The following TMPRSS6 variants were observed in gnomAD, a reference collection of about 807,000 sequenced individuals.
The protein encoded by TMPRSS6 is transmembrane serine protease 6, also known as transmembrane protease serine 6.
In TMPRSS6, 67 loss-of-function variants were observed where a neutral mutation model predicts 101.5. That is an observed-to-expected ratio of 0.66 (90% CI 0.54 to 0.81). The LOEUF (loss-of-function observed/expected upper bound fraction) is 0.81. TMPRSS6 is among the 30% of genes least tolerant of loss of function. The pLI is 0.00. For synonymous variants in TMPRSS6, 453 were observed against 464.9 expected (o/e 0.97, Z 0.33); for missense variants, 1,034 against 1,088.7 (o/e 0.95, Z 0.71).
intron 7 of TMPRSS6, among the ~76,000 whole-genome samples, chr22:37,086,744 C>A (rs951195945): frequency 6.6e-6 from 1 of 152,108 alleles, no homozygotes; most frequent in South Asian, 2.1e-4. Flanking sequence ...CTCCACCCTG[C>A]TACAGAATCA....
intron 6 of TMPRSS6, among the ~76,000 whole-genome samples, chr22:37,093,820 C>T (rs766098959): frequency 2.4e-4 from 37 of 151,582 alleles, no homozygotes; most frequent in Non-Finnish European, 4.4e-4. Context: ...GTCAGGAGCT[C>T]GAGACCAGCC....
At position 37,074,634 on chromosome 22, in the gene TMPRSS6, TG is replaced by T. The variant is rs773570300; in HGVS notation, c.1416del (p.Asn473ThrfsTer63). The T allele has an allele frequency of 1.2e-6, 2 of 1,614,176 alleles. No individual in the cohort carries two copies. Among genetic ancestry groups the T allele is most frequent in the Non-Finnish European group, 1.7e-6 (2 of 1,180,026 alleles). On this transcript the variant is annotated frameshift_variant, in exon 12 of 18. Transcript: ENST00000676104. LOFTEE classifies it high-confidence loss of function. The part of the protein sequence containing the change: ...VPACDGVKDC[P>X]NGLDERNCVC... ...CCGCAGTTTCTCTCATCCAGGCCGT[TG>T]GGGCAGTCCTTGACCCCATCACAGG...
At chr22:37,078,782 GAGA>G (rs145574544) in intron 10 of TMPRSS6, among the ~76,000 whole-genome samples, 2,822 of 147,584 alleles carry the variant, frequency 0.019, 105 homozygotes, top group African/African-American at 0.067. Flanking sequence ...GAAGGAGGAG[GAGA>G]AGAAGAAGGA....
intron 7 of TMPRSS6, among the ~76,000 whole-genome samples, chr22:37,089,082 AAT>A (rs1306788077): frequency 1.3e-5 from 2 of 152,182 alleles, no homozygotes; most frequent in African/African-American, 2.4e-5. Context: ...GTTCACTCAA[AAT>A]AGATACTGCA....
At chr22:37,084,946 C>T in intron 8 of TMPRSS6, 107 bp from the exon 9 acceptor site, 1 of 824,624 alleles carries the variant, frequency 1.2e-6, no homozygotes, top group Non-Finnish European at 2.0e-6. Context: ...CAGCAAATTG[C>T]TGTGGTTGAA....
Position 37,073,006 on chromosome 22 carries a change from GATGA to G in TMPRSS6, c.1555+522_1555+525del, listed in dbSNP as rs770553884. On this transcript the variant is annotated intron_variant, in intron 13 of 17. Transcript: ENST00000676104. ...TGGATGGATAGATGGATGATGGATGGATGATGGATGGATGGATGGATGATGGACG... is the reference window on the plus strand; with the variant it reads ...TGGATGGATAGATGGATGATGGATGGTGGATGGATGGATGGATGATGGACG... 1.3e-3 allele frequency among the ~76,000 whole-genome samples: 197 copies of G among 150,284 alleles called. 1 individual carries two copies. The highest frequency in any genetic ancestry group is 4.0e-3 in the African/African-American group (161 of 40,692).
At chr22:37,094,450 T>A (rs1282251890) in intron 6 of TMPRSS6, among the ~76,000 whole-genome samples, 1 of 151,694 alleles carries the variant, frequency 6.6e-6, no homozygotes, top group Non-Finnish European at 1.5e-5. Context: ...GCTAGCTAGC[T>A]AGACAGACAG....
chr22:37,108,442 T>C (rs1336005333), intron 1 of TMPRSS6, among the ~76,000 whole-genome samples: 1 of 152,154 alleles, frequency 6.6e-6, no homozygotes, highest in Non-Finnish European at 1.5e-5. Flanking sequence ...GGGACTGTGC[T>C]CCAATTGCCA....
rs982391688 is a variant in TMPRSS6, at chr22:37,065,933, C to T, written c.*147G>A. On this transcript the variant is annotated 3_prime_UTR_variant, in exon 18 of 18. Coordinates refer to ENST00000676104, the MANE Select transcript of TMPRSS6 (RefSeq NM_001374504.1). ...CTCCTGCCATCACTGGAGCAGACAT[C>T]AGGGACGAGACAAGATGCCACCTCC... 1.7e-5 allele frequency: 18 copies of T among 1,034,786 alleles called. No homozygotes were observed. Among genetic ancestry groups the T allele is most frequent in the East Asian group, 5.1e-5 (2 of 39,338 alleles). The allele number at this position is 1,034,786 out of a possible 1,614,324, so 64.1% of individuals were successfully genotyped here.
chr22:37,086,905 C>T (rs943307097), intron 7 of TMPRSS6, among the ~76,000 whole-genome samples: 1 of 152,154 alleles, frequency 6.6e-6, no homozygotes, highest in South Asian at 2.1e-4. Flanking sequence ...AGAAATCTGC[C>T]CAGAGCTTGG....
At chr22:37,081,269 T>C (rs1289971538) in intron 10 of TMPRSS6, among the ~76,000 whole-genome samples, 1 of 152,244 alleles carries the variant, frequency 6.6e-6, no homozygotes, top group Non-Finnish European at 1.5e-5. Context: ...TTGTCTCACT[T>C]AGTCTTCCCA....
chr22:37,091,550 C>T (rs752084249), intron 6 of TMPRSS6, among the ~76,000 whole-genome samples: 1 of 152,162 alleles, frequency 6.6e-6, no homozygotes, highest in Non-Finnish European at 1.5e-5. Flanking sequence ...GGCTCATGGG[C>T]CATACAAAAT....
rs139489941 is a variant in TMPRSS6, at chr22:37,095,965, G to T, written c.530C>A (p.Ser177Ter). 1 of 1,614,142 alleles carries T rather than the reference G, an allele frequency of 6.2e-7. No individual in the cohort carries two copies. The highest frequency in any genetic ancestry group is 1.7e-5 in the Admixed American group (1 of 60,028). The change falls in exon 5 of 18, where the codon TCG (serine) becomes TAG (stop). Residue 177 changes from serine to a stop codon, truncating the protein, a stop_gained. Transcript: ENST00000676104. LOFTEE classifies it high-confidence loss of function. ...CTCGGCCCTGTAGGGGACGGCAGCC[G>T]AGCTGTTGACTGTGGACAGCAGCTC... ...VEELLSTVNS[S>*]AAVPYRAEYE...
At chr22:37,070,746 A>C in intron 14 of TMPRSS6, 94 bp from the exon 15 acceptor site, 2 of 1,423,326 alleles carry the variant, frequency 1.4e-6, no homozygotes, top group Non-Finnish European at 2.0e-6. Flanking sequence ...ATGGAGAGAC[A>C]GAGAACAGGA....
At chr22:37,105,953 T>C (rs1441292519) in intron 1 of TMPRSS6, among the ~76,000 whole-genome samples, 2 of 152,160 alleles carry the variant, frequency 1.3e-5, no homozygotes, top group East Asian at 3.8e-4. Flanking sequence ...CCTGGCCCTG[T>C]TTTACTCTTG....
In TMPRSS6 at chr22:37,095,564, C is replaced by A; in HGVS notation, c.618G>T (p.Leu206Phe). The A allele has an allele frequency of 6.2e-7, 1 of 1,608,244 alleles. No individual in the cohort carries two copies. Among genetic ancestry groups the A allele is most frequent in the Non-Finnish European group, 8.5e-7 (1 of 1,178,870 alleles). The change falls in exon 6 of 18, where the codon TTG becomes TTT. Residue 206 changes from leucine to phenylalanine, a missense_variant. By Grantham distance (22) the Leu-to-Phe change is conservative. Coordinates refer to ENST00000676104, the MANE Select transcript of TMPRSS6 (RefSeq NM_001374504.1). The part of the protein sequence containing the change: ...LEASVKDIAA[L>F]NSTLGCYRYS... ...AAAATAGCGTACCCAGCGTGGAATT[C>A]AATGCAGCTATGTCTTTCACACTGG...
At chr22:37,096,224 C>A in intron 4 of TMPRSS6, 134 bp from the exon 5 acceptor site, 1 of 1,024,108 alleles carries the variant, frequency 9.8e-7, no homozygotes, top group South Asian at 1.4e-5. Context: ...AGCCTCCTAG[C>A]GACCTCTGAA....
At chr22:37,085,756 T>G (rs2146109436) in intron 8 of TMPRSS6, among the ~76,000 whole-genome samples, 1 of 152,264 alleles carries the variant, frequency 6.6e-6, no homozygotes, top group African/African-American at 2.4e-5. Context: ...GGCCATGGCC[T>G]GGCTGTGCTG....
Position 37,095,921 on chromosome 22 carries a change from C to A in TMPRSS6, c.574G>T (p.Gly192Cys). Residue 192 changes from glycine (G) to cysteine (C), a missense_variant, in exon 5 of 18, where the codon GGC becomes TGC. Coordinates refer to ENST00000676104, the MANE Select transcript of TMPRSS6 (RefSeq NM_001374504.1). The stretch of plus-strand genomic sequence containing the variant: ...CAGTACTGACCCAGGATCACTAGGC[C>A]CTCGGGGTCCACTTCGTACTCGGCC... ...YRAEYEVDPE[G>C]LVILEASVKD... is the part of the protein sequence containing the mutation. 1 of 1,614,146 alleles carries A rather than the reference C, an allele frequency of 6.2e-7. No homozygotes were observed.
Sources: allele counts gnomAD v4.1 joint callset (sites outside exome capture counted in the v4.1 genomes callset), GRCh38; gene constraint gnomAD v4.1.1; transcripts MANE v1.5; gene names NCBI Gene and HGNC (gene_info 2026-07-23, HGNC 2026-07-21).